RIMS2: variants seen among roughly 807,000 people sequenced by gnomAD.
RIMS2 encodes the protein regulating synaptic membrane exocytosis protein 2.
Under a neutral mutation model 174.4 loss-of-function variants are expected in RIMS2, and 59 were observed. The observed-to-expected ratio is 0.34, with a 90% CI of 0.27 to 0.42. The LOEUF is 0.42. Among genes scored for constraint, RIMS2 ranks in the 10% least tolerant of loss-of-function variants. The pLI is 1.00. For missense variants in RIMS2, 1,620 were observed against 1,666.3 expected (o/e 0.97, Z 0.48); for synonymous variants, 606 against 572.5 (o/e 1.06, Z -0.84).
chr8:103,561,081 C>G (rs940124623), intron 1 of RIMS2, among the ~76,000 whole-genome samples: 1 of 152,274 alleles, frequency 6.6e-6, no homozygotes, highest in African/African-American at 2.4e-5. Context: ...TGGTCATGAG[C>G]TTTTTATACT....
intron 9 of RIMS2, among the ~76,000 whole-genome samples, chr8:103,919,604 G>T (rs1442257050): frequency 6.6e-6 from 1 of 152,010 alleles, no homozygotes; most frequent in Non-Finnish European, 1.5e-5. Flanking sequence ...TTAAACCGTG[G>T]TGGTAGCAAT....
chr8:103,623,639 C>A (rs1371667282), intron 1 of RIMS2, among the ~76,000 whole-genome samples: 1 of 149,312 alleles, frequency 6.7e-6, no homozygotes, highest in African/African-American at 2.5e-5. Context: ...CGCCCGCCAC[C>A]ACGCCCGGCT....
At chr8:103,807,891 AT>A (rs1453634668) in intron 3 of RIMS2, among the ~76,000 whole-genome samples, 3 of 152,116 alleles carry the variant, frequency 2.0e-5, no homozygotes, top group African/African-American at 7.2e-5. Context: ...GACAAATTAT[AT>A]TTTTTAAGTT....
At chr8:104,096,233 T>C (rs1200323426) in intron 19 of RIMS2, among the ~76,000 whole-genome samples, 1 of 152,144 alleles carries the variant, frequency 6.6e-6, no homozygotes, top group Non-Finnish European at 1.5e-5. Context: ...TTCTACATAC[T>C]GTATACATGA....
intron 19 of RIMS2, among the ~76,000 whole-genome samples, chr8:104,160,360 T>C (rs1437520150): frequency 1.3e-5 from 2 of 152,188 alleles, no homozygotes; most frequent in Admixed American, 1.3e-4. Flanking sequence ...TGAATAACAA[T>C]TTAATCTCTT....
At chr8:104,228,949 C>T (rs547205890) in intron 19 of RIMS2, among the ~76,000 whole-genome samples, 3 of 152,250 alleles carry the variant, frequency 2.0e-5, no homozygotes, top group East Asian at 1.9e-4. Flanking sequence ...CCACTCAATG[C>T]CTATCAAATA....
intron 19 of RIMS2, among the ~76,000 whole-genome samples, chr8:104,119,077 G>A (rs991084653): frequency 3.3e-5 from 5 of 151,972 alleles, no homozygotes; most frequent in Non-Finnish European, 7.4e-5. Context: ...GCCAGGCGTG[G>A]TGGCTCAGGC....
intron 4 of RIMS2, among the ~76,000 whole-genome samples, chr8:103,892,513 A>C (rs2099252595): frequency 6.6e-6 from 1 of 151,994 alleles, no homozygotes; most frequent in Non-Finnish European, 1.5e-5. Context: ...TTGTAATAAA[A>C]TTTACTAAGA....
At chr8:103,552,339 G>C (rs1848376968) in intron 1 of RIMS2, among the ~76,000 whole-genome samples, 5 of 152,132 alleles carry the variant, frequency 3.3e-5, no homozygotes, top group Admixed American at 2.6e-4. Flanking sequence ...ACAAAAACAA[G>C]AAATGGGGAA....
intron 19 of RIMS2, among the ~76,000 whole-genome samples, chr8:104,048,234 A>G (rs1254537983): frequency 6.6e-6 from 1 of 152,212 alleles, no homozygotes; most frequent in Non-Finnish European, 1.5e-5. Flanking sequence ...TTTACAAAGT[A>G]TATATTAAAT....
chr8:104,108,209 T>C (rs1043136733), intron 19 of RIMS2, among the ~76,000 whole-genome samples: 1 of 152,180 alleles, frequency 6.6e-6, no homozygotes, highest in Non-Finnish European at 1.5e-5. Flanking sequence ...AATGTTTAAA[T>C]TCTAATGGTA....
intron 3 of RIMS2, among the ~76,000 whole-genome samples, chr8:103,826,981 T>C (rs1426157732): frequency 6.6e-6 from 1 of 152,100 alleles, no homozygotes; most frequent in African/African-American, 2.4e-5. Context: ...CAGCCTCATA[T>C]ATTTTTTATA....
chr8:104,226,029 T>G (rs1396164182), intron 19 of RIMS2, among the ~76,000 whole-genome samples: 1 of 152,166 alleles, frequency 6.6e-6, no homozygotes. Context: ...CTTCTCTACT[T>G]CCTTTTTTTT....
intron 1 of RIMS2, among the ~76,000 whole-genome samples, chr8:103,519,434 A>G (rs1352818940): frequency 6.6e-6 from 1 of 152,066 alleles, no homozygotes; most frequent in Non-Finnish European, 1.5e-5. Context: ...ACAATTTACC[A>G]TATGTTTCAA....
At chr8:103,730,383 T>A (rs2097576407) in intron 2 of RIMS2, among the ~76,000 whole-genome samples, 3 of 152,230 alleles carry the variant, frequency 2.0e-5, no homozygotes, top group Admixed American at 6.5e-5. Context: ...TTTTGCTGAT[T>A]GACACCTTTA....
intron 1 of RIMS2, among the ~76,000 whole-genome samples, chr8:103,564,641 A>G (rs1177291890): frequency 2.6e-5 from 4 of 152,208 alleles, no homozygotes; most frequent in Admixed American, 2.6e-4. Flanking sequence ...AACATCCAGC[A>G]TGGGAGAAAG....
chr8:103,887,067 G>A (rs1027677922), intron 4 of RIMS2, among the ~76,000 whole-genome samples: 1 of 151,688 alleles, frequency 6.6e-6, no homozygotes, highest in Non-Finnish European at 1.5e-5. Context: ...ACTCTTATCA[G>A]ATGTACTTGA....
intron 11 of RIMS2, among the ~76,000 whole-genome samples, chr8:103,930,750 G>C (rs966410489): frequency 6.6e-6 from 1 of 152,052 alleles, no homozygotes; most frequent in African/African-American, 2.4e-5. Flanking sequence ...GGAATCTATT[G>C]ACTAAAGCTA....
chr8:104,220,093 T>C (rs1298067040), intron 19 of RIMS2, among the ~76,000 whole-genome samples: 2 of 152,126 alleles, frequency 1.3e-5, no homozygotes. Context: ...ATTCCACAAG[T>C]TGTCATTCAA....
Sources: allele counts gnomAD v4.1 joint callset (sites outside exome capture counted in the v4.1 genomes callset), GRCh38; gene constraint gnomAD v4.1.1; transcripts MANE v1.5; gene names NCBI Gene and HGNC (gene_info 2026-07-23, HGNC 2026-07-21).